DOCK8: variants seen among roughly 807,000 people sequenced by gnomAD.
The protein encoded by DOCK8 is dedicator of cytokinesis protein 8.
In DOCK8, 141 loss-of-function variants were observed where a neutral mutation model predicts 245.6. The ratio of observed to expected loss-of-function variants is 0.57; its 90% confidence interval spans 0.50 to 0.66. The LOEUF (loss-of-function observed/expected upper bound fraction) is 0.66. Ranked by LOEUF, DOCK8 falls within the 30% of genes least tolerant of loss-of-function variation. The pLI is 0.00. For missense variants in DOCK8, 2,965 were observed against 2,603.4 expected (o/e 1.14, Z -3.02); for synonymous variants, 1,168 against 970.2 (o/e 1.20, Z -3.79).
At chr9:296,125 A>G (rs148166146) in intron 4 of DOCK8, among the ~76,000 whole-genome samples, 1 of 152,328 alleles carries the variant, frequency 6.6e-6, no homozygotes, top group East Asian at 1.9e-4. Context: ...TCTAAAAACA[A>G]TAGTACTTTT....
intron 28 of DOCK8, among the ~76,000 whole-genome samples, chr9:411,770 C>G (rs2055743119): frequency 6.6e-6 from 1 of 152,062 alleles, no homozygotes; most frequent in Admixed American, 6.6e-5. Flanking sequence ...CTCAGGAATG[C>G]AAGATAGGCT....
At chr9:241,430 T>A (rs2047370515) in intron 1 of DOCK8, among the ~76,000 whole-genome samples, 1 of 152,210 alleles carries the variant, frequency 6.6e-6, no homozygotes, top group Non-Finnish European at 1.5e-5. Flanking sequence ...ACTTTTTACT[T>A]CTATGAGATC....
intron 28 of DOCK8, among the ~76,000 whole-genome samples, chr9:413,189 G>C (rs1564032463): frequency 2.0e-5 from 3 of 152,082 alleles, no homozygotes; most frequent in Non-Finnish European, 4.4e-5. Context: ...ATGGTGTTGG[G>C]ACAACTGGGT....
intron 9 of DOCK8, 76 bp from the exon 10 acceptor site, chr9:332,322 A>C: frequency 1.0e-6 from 1 of 999,102 alleles, no homozygotes. Flanking sequence ...CATAAAATGT[A>C]ATTTTGATGG....
intron 6 of DOCK8, among the ~76,000 whole-genome samples, chr9:314,735 A>G (rs1254692202): frequency 2.0e-5 from 3 of 152,218 alleles, no homozygotes; most frequent in Non-Finnish European, 4.4e-5. Flanking sequence ...AGAAAGTTCT[A>G]TGGAAGAAAG....
intron 28 of DOCK8, among the ~76,000 whole-genome samples, chr9:411,902 C>T (rs1265268341): frequency 6.6e-6 from 1 of 152,162 alleles, no homozygotes; most frequent in African/African-American, 2.4e-5. Context: ...CTGATAAAAA[C>T]ACTCAACAAA....
intron 1 of DOCK8, among the ~76,000 whole-genome samples, chr9:225,583 T>C (rs1403420781): frequency 1.3e-5 from 2 of 152,182 alleles, no homozygotes; most frequent in Non-Finnish European, 2.9e-5. Context: ...ATTTCATGCA[T>C]ATTGCTTATA....
intron 24 of DOCK8, among the ~76,000 whole-genome samples, chr9:395,682 C>A (rs996043351): frequency 2.0e-5 from 3 of 152,090 alleles, no homozygotes; most frequent in Non-Finnish European, 4.4e-5. Context: ...AAGCAACTTC[C>A]AACAAGGATA....
intron 36 of DOCK8, 133 bp downstream of exon 36, chr9:429,987 A>T: frequency 2.7e-6 from 3 of 1,102,188 alleles, no homozygotes; most frequent in Non-Finnish European, 4.0e-6. Flanking sequence ...GAAACAATTG[A>T]GTATGTAGAT....
chr9:243,571 A>G (rs1208474472), intron 1 of DOCK8, among the ~76,000 whole-genome samples: 1 of 152,156 alleles, frequency 6.6e-6, no homozygotes, highest in East Asian at 1.9e-4. Context: ...ATATTTACTG[A>G]CTGACCCATG....
chr9:269,193 T>G (rs1022281992), intron 1 of DOCK8, among the ~76,000 whole-genome samples: 1 of 152,240 alleles, frequency 6.6e-6, no homozygotes, highest in Non-Finnish European at 1.5e-5. Context: ...CCCAAACTCA[T>G]TAGCAGCCAC....
At chr9:349,741 T>C (rs572733556) in intron 14 of DOCK8, among the ~76,000 whole-genome samples, 1 of 152,326 alleles carries the variant, frequency 6.6e-6, no homozygotes, top group South Asian at 2.1e-4. Flanking sequence ...TTTACATTTC[T>C]GTTCTCTGGA....
intron 14 of DOCK8, among the ~76,000 whole-genome samples, chr9:363,552 T>C (rs2052834564): frequency 6.6e-6 from 1 of 152,238 alleles, no homozygotes; most frequent in South Asian, 2.1e-4. Flanking sequence ...ACAAAACATA[T>C]TACTTAGCAC....
chr9:221,260 A>G (rs909967669), intron 1 of DOCK8, among the ~76,000 whole-genome samples: 2 of 152,260 alleles, frequency 1.3e-5, no homozygotes, highest in Middle Eastern at 3.4e-3. Context: ...CAACAGAACC[A>G]GTTTCTCCAG....
At chr9:251,368 C>T (rs2047641372) in intron 1 of DOCK8, among the ~76,000 whole-genome samples, 2 of 151,594 alleles carry the variant, frequency 1.3e-5, no homozygotes, top group Admixed American at 6.6e-5. Context: ...CCATTTGGAA[C>T]GTATTCCAGG....
chr9:442,522 A>G (rs567617560), intron 42 of DOCK8, among the ~76,000 whole-genome samples: 6 of 152,328 alleles, frequency 3.9e-5, no homozygotes, highest in South Asian at 4.1e-4. Context: ...CCCGGCTCCA[A>G]CCTGCCAGTG....
chr9:378,863 A>C (rs191881975), intron 20 of DOCK8, among the ~76,000 whole-genome samples: 2 of 152,232 alleles, frequency 1.3e-5, no homozygotes, highest in South Asian at 4.1e-4. Context: ...TGCACTTCGC[A>C]TGGGAAGGAT....
At chr9:274,324 C>T (rs10757607) in intron 2 of DOCK8, among the ~76,000 whole-genome samples, 54,316 of 151,976 alleles carry the variant, frequency 0.36, 9,721 homozygotes, top group South Asian at 0.45. Context: ...ATGTGAATAT[C>T]CTTTAGAATA....
At position 254,057 on chromosome 9, in the gene DOCK8, A is replaced by G. The variant is rs1317144914; in HGVS notation, c.54-17570A>G. On this transcript the variant is annotated intron_variant, in intron 1 of 47. Coordinates refer to ENST00000432829, the MANE Select transcript of DOCK8 (RefSeq NM_203447.4). Reference sequence around the variant, plus strand: ...CATTTTTAGGAAAGCACTTTTCCTTATGTGTCTAATATTTGGGAACTGCAT... The same window carrying G: ...CATTTTTAGGAAAGCACTTTTCCTTGTGTGTCTAATATTTGGGAACTGCAT... Among the ~76,000 whole-genome samples, 4 of 152,346 alleles carry G rather than the reference A, an allele frequency of 2.6e-5. No individual in the cohort carries two copies. In the South Asian group the frequency reaches 6.2e-4, roughly 24 times the overall value.
Sources: gnomAD v4.1 joint callset for allele counts (sites outside exome capture counted in the v4.1 genomes callset) on GRCh38, gnomAD v4.1.1 for gene constraint, MANE v1.5 for transcripts, NCBI Gene and HGNC (gene_info 2026-07-23, HGNC 2026-07-21) for gene names.